Variants in ACBD6 observed in about 807,000 individuals in gnomAD.
The protein encoded by ACBD6 is acyl-CoA binding domain containing 6, also known as acyl-CoA-binding domain-containing protein 6.
ACBD6 carries 28 observed loss-of-function variants against 37.2 expected under a neutral mutation model. That is an observed-to-expected ratio of 0.75 (90% CI 0.56 to 1.03). The LOEUF is 1.03. ACBD6 is among the 50% of genes least tolerant of loss of function. The pLI is 0.00. For synonymous variants in ACBD6, 113 were observed against 126.8 expected, an observed-to-expected ratio of 0.89 and a Z score of 0.73; for missense variants, 340 against 337.4, an observed-to-expected ratio of 1.01 and a Z score of -0.06.
At chr1:180,294,603 G>C (rs1649847164) in intron 7 of ACBD6, among the ~76,000 whole-genome samples, 1 of 151,704 alleles carries the variant, frequency 6.6e-6, no homozygotes, top group Non-Finnish European at 1.5e-5. Flanking sequence ...CTATTTCATT[G>C]GTATAAAATT....
intron 4 of ACBD6, among the ~76,000 whole-genome samples, chr1:180,424,111 T>C (rs1013536492): frequency 6.6e-6 from 1 of 152,194 alleles, no homozygotes; most frequent in African/African-American, 2.4e-5. Flanking sequence ...AACTAGAGAT[T>C]ATGATTCCTC....
At chr1:180,340,127 TAGG>T (rs1382818055) in intron 6 of ACBD6, among the ~76,000 whole-genome samples, 1 of 151,928 alleles carries the variant, frequency 6.6e-6, no homozygotes, top group East Asian at 1.9e-4. Flanking sequence ...AGATTAGTAA[TAGG>T]AGATGAGGGG....
chr1:180,378,517 T>A (rs542036190), intron 6 of ACBD6, among the ~76,000 whole-genome samples: 2 of 152,220 alleles, frequency 1.3e-5, no homozygotes, highest in Non-Finnish European at 2.9e-5. Flanking sequence ...AGTTAATTAT[T>A]AGGGAAAGCT....
rs548925840 is a variant in ACBD6 at position 180,423,128 on chromosome 1, C to T, written c.467+7052G>A. On this transcript the variant is annotated intron_variant, in intron 4 of 7. Coordinates refer to ENST00000367595, the MANE Select transcript of ACBD6 (RefSeq NM_032360.4). ...CTACATATATTTTATGCATTCATGCCATATCTTTTTCTTAATTTTTTGGAT... is the reference window on the plus strand; with the variant it reads ...CTACATATATTTTATGCATTCATGCTATATCTTTTTCTTAATTTTTTGGAT... Among the ~76,000 whole-genome samples, 3 of 152,128 alleles carry T rather than the reference C, an allele frequency of 2.0e-5. No homozygotes were observed. The East Asian group carries it at 5.8e-4, about 29-fold the overall frequency.
intron 4 of ACBD6, among the ~76,000 whole-genome samples, chr1:180,429,802 A>G (rs1648741369): frequency 6.6e-6 from 1 of 152,160 alleles, no homozygotes; most frequent in Admixed American, 6.5e-5. Flanking sequence ...TAACACAAAA[A>G]TCCTTAGCTT....
intron 3 of ACBD6, among the ~76,000 whole-genome samples, chr1:180,449,750 C>T (rs757579716): frequency 4.6e-5 from 7 of 151,632 alleles, no homozygotes; most frequent in Non-Finnish European, 1.0e-4. Flanking sequence ...ACATCACACA[C>T]CGGGGCCTGT....
chr1:180,412,489 C>A lies in ACBD6; in HGVS notation c.573+877G>T, dbSNP rs559310475. ...GAGAAAATGATTAGAAGTGAGTTAG[C>A]AAATTTTGCTCTTTTAACAGCTATA... On this transcript the variant is annotated intron_variant, in intron 5 of 7. Transcript: ENST00000367595. Among the ~76,000 whole-genome samples, 117 of 152,274 alleles carry A rather than the reference C, an allele frequency of 7.7e-4. 1 individual carries two copies. Among genetic ancestry groups the A allele is most frequent in the African/African-American group, 2.7e-3 (114 of 41,556 alleles).
intron 4 of ACBD6, among the ~76,000 whole-genome samples, chr1:180,415,559 G>C (rs115721537): frequency 0.013 from 2,050 of 152,284 alleles, 23 homozygotes; most frequent in Non-Finnish European, 0.018. Context: ...AGAAAGAACT[G>C]TGTCTTTTAA....
At chr1:180,480,815 G>A (rs919017032) in intron 3 of ACBD6, among the ~76,000 whole-genome samples, 1 of 152,138 alleles carries the variant, frequency 6.6e-6, no homozygotes, top group Non-Finnish European at 1.5e-5. Context: ...TGGATGACTT[G>A]AGGTCAGGAG....
At chr1:180,282,053 G>T (rs2149273773) in intron 8 of ACBD6, among the ~76,000 whole-genome samples, 1 of 152,086 alleles carries the variant, frequency 6.6e-6, no homozygotes, top group Admixed American at 6.5e-5. Context: ...TCTTTTTGGT[G>T]ATTTTTCCTT....
At chr1:180,424,466 A>G (rs896524707) in intron 4 of ACBD6, among the ~76,000 whole-genome samples, 1 of 152,154 alleles carries the variant, frequency 6.6e-6, no homozygotes, top group Non-Finnish European at 1.5e-5. Context: ...AAATAAGCCA[A>G]TGTGGTTGGA....
chr1:180,344,624 T>G (rs921906208), intron 6 of ACBD6, among the ~76,000 whole-genome samples: 22 of 152,202 alleles, frequency 1.4e-4, no homozygotes, highest in African/African-American at 5.1e-4. Context: ...GAATACCCAT[T>G]GTGTGCTGGA....
At chr1:180,427,974 T>G (rs532793151) in intron 4 of ACBD6, among the ~76,000 whole-genome samples, 8 of 151,338 alleles carry the variant, frequency 5.3e-5, no homozygotes, top group African/African-American at 1.9e-4. Context: ...TATGGCCTAA[T>G]TTGTTATAAT....
At chr1:180,419,049 A>T (rs1337756869) in intron 4 of ACBD6, among the ~76,000 whole-genome samples, 1 of 152,234 alleles carries the variant, frequency 6.6e-6, no homozygotes, top group Non-Finnish European at 1.5e-5. Flanking sequence ...CAGGAGATCG[A>T]GACCATCCTC....
At position 180,397,538 on chromosome 1, in the gene ACBD6, T is replaced by C. The variant is rs369743276; in HGVS notation, c.641A>G (p.His214Arg). The change falls in exon 6 of 8, where the codon CAT becomes CGT. Residue 214 changes from histidine to arginine, a missense_variant. Coordinates refer to ENST00000367595, the MANE Select transcript of ACBD6 (RefSeq NM_032360.4). ...TACCTGACAGTTAATGTCAGCTCTA[T>C]GTTGCAGCAACACTGTGACTAGTTC... ...HKELVTVLLQ[H>R]RADINCQDNE... 7.4e-6 allele frequency: 12 copies of C among 1,613,918 alleles called. No individual in the cohort carries two copies. The African/African-American group carries it at 1.2e-4, about 16-fold the overall frequency.
intron 3 of ACBD6, among the ~76,000 whole-genome samples, chr1:180,451,885 A>C (rs1649721678): frequency 6.6e-6 from 1 of 152,216 alleles, no homozygotes; most frequent in South Asian, 2.1e-4. Context: ...TTAATGTCTC[A>C]ATTTAAAAAG....
chr1:180,327,165 G>A (rs1651286307), intron 6 of ACBD6, among the ~76,000 whole-genome samples: 1 of 152,124 alleles, frequency 6.6e-6, no homozygotes, highest in Non-Finnish European at 1.5e-5. Flanking sequence ...GGCCCGCAGT[G>A]GTGAGGTTTA....
At chr1:180,300,154 A>G (rs1650076175) in intron 7 of ACBD6, among the ~76,000 whole-genome samples, 1 of 152,168 alleles carries the variant, frequency 6.6e-6, no homozygotes. Flanking sequence ...AATTCATAAA[A>G]AATAATAACT....
intron 1 of ACBD6, among the ~76,000 whole-genome samples, chr1:180,498,656 T>C (rs1342758068): frequency 6.6e-6 from 1 of 152,096 alleles, no homozygotes; most frequent in Non-Finnish European, 1.5e-5. Context: ...GAGACCAGCC[T>C]GGTCAACCAT....
Sources: gnomAD v4.1 joint callset for allele counts (sites outside exome capture counted in the v4.1 genomes callset) on GRCh38, gnomAD v4.1.1 for gene constraint, MANE v1.5 for transcripts, NCBI Gene and HGNC (gene_info 2026-07-23, HGNC 2026-07-21) for gene names.